The following VXN variants were observed in gnomAD, a reference collection of about 807,000 sequenced individuals.
VXN encodes the protein uncharacterized protein C8orf46.
A neutral mutation model predicts 23.1 loss-of-function variants in VXN; 7 were observed. The observed-to-expected ratio is 0.30, with a 90% confidence interval of 0.17 to 0.57. The LOEUF is 0.57. Among genes scored for constraint, VXN ranks in the 20% least tolerant of loss-of-function variants. VXN has a pLI of 0.91. For synonymous variants in VXN, 120 were observed against 105.8 expected, an observed-to-expected ratio of 1.13 and a Z score of -0.83; for missense variants, 238 against 272.6, an observed-to-expected ratio of 0.87 and a Z score of 0.89.
intron 5 of VXN, chr8:66,514,032 A>G (rs1807856676): frequency 5.5e-6 from 1 of 180,650 alleles, no homozygotes; most frequent in African/African-American, 2.4e-5. Context: ...AAGTGTGTCA[A>G]GTACAAAGGT....
chr8:66,516,790 T>C lies in VXN; in HGVS notation c.*714T>C, dbSNP rs2130564269. The C allele has an allele frequency of 6.6e-6, 1 of 152,374 alleles. No individual in the cohort carries two copies. The highest frequency in any genetic ancestry group is 2.1e-4 in the South Asian group (1 of 4,830). The allele number at this position is 152,374 out of a possible 1,614,324, so 9.4% of individuals were successfully genotyped here. A position where few individuals can be genotyped will look rare whatever the true frequency, so the allele number is the denominator to read the frequency against. On this transcript the variant is annotated 3_prime_UTR_variant, in exon 6 of 6. Coordinates refer to ENST00000305454, the MANE Select transcript of VXN (RefSeq NM_152765.4). ...TTTGAAAGTGCTTTCTCATCCGTTA[T>C]CTCTTATCTTCACAAAACCCCTGTG...
intron 1 of VXN, among the ~76,000 whole-genome samples, chr8:66,496,215 T>G (rs146474566): frequency 2.6e-5 from 4 of 152,356 alleles, no homozygotes; most frequent in African/African-American, 9.6e-5. Context: ...TTGGTGGACA[T>G]TTGGGTTGTT....
At chr8:66,503,595 G>A (rs1238357957) in intron 2 of VXN, 1 of 152,202 alleles carries the variant, frequency 6.6e-6, no homozygotes, top group Non-Finnish European at 1.5e-5. Flanking sequence ...GCAGTTTGCT[G>A]ACCTAAGAAA....
chr8:66,511,478 G>A (rs1807823631), intron 4 of VXN, among the ~76,000 whole-genome samples: 2 of 152,220 alleles, frequency 1.3e-5, no homozygotes, highest in Non-Finnish European at 2.9e-5. Flanking sequence ...CACACACAGG[G>A]CTGTTTCCCC....
Position 66,495,777 on chromosome 8 carries a change from T to C in VXN, c.71-660T>C, listed in dbSNP as rs62512578. 3.4e-3 allele frequency among the ~76,000 whole-genome samples: 520 copies of C among 152,314 alleles called. 1 individual carries two copies. Among genetic ancestry groups the C allele is most frequent in the Admixed American group, 5.2e-3 (79 of 15,296 alleles). ...AAATATGCATAACAAAATGTACCAT[T>C]TTAAAAACTATTTTTAAGTGTACAG... On this transcript the variant is annotated intron_variant, in intron 1 of 5. Coordinates refer to ENST00000305454, the MANE Select transcript of VXN (RefSeq NM_152765.4).
At chr8:66,506,789 G>A (rs1807764297) in intron 3 of VXN, among the ~76,000 whole-genome samples, 1 of 151,972 alleles carries the variant, frequency 6.6e-6, no homozygotes, top group South Asian at 2.1e-4. Flanking sequence ...CATACATCAA[G>A]CTATATTCTC....
At chr8:66,510,543 C>T (rs1021915624) in intron 4 of VXN, among the ~76,000 whole-genome samples, 2 of 152,176 alleles carry the variant, frequency 1.3e-5, no homozygotes, top group Admixed American at 1.3e-4. Context: ...GCGAGGCTCT[C>T]GAGCACTATG....
chr8:66,497,591 G>C (rs553900521), intron 2 of VXN, among the ~76,000 whole-genome samples: 25 of 152,304 alleles, frequency 1.6e-4, no homozygotes, highest in Non-Finnish European at 2.8e-4. Context: ...CATAAAACTG[G>C]CAGTACATCT....
At chr8:66,513,481 C>A in intron 4 of VXN, 59 bp from the exon 5 acceptor site, 1 of 1,415,550 alleles carries the variant, frequency 7.1e-7, no homozygotes, top group Non-Finnish European at 1.0e-6. Context: ...CAGCCTCAGT[C>A]AGGGCCAGAG....
chr8:66,498,790 A>G (rs1261627489), intron 2 of VXN: 1 of 455,160 alleles, frequency 2.2e-6, no homozygotes, highest in Admixed American at 2.4e-5. Context: ...AAAATCTATG[A>G]AATATTTCTG....
chr8:66,517,537 A>G lies in VXN; in HGVS notation c.*1461A>G, dbSNP rs193076401. 6.6e-6 allele frequency: 1 copy of G among 152,342 alleles called. No homozygotes were observed. Among genetic ancestry groups the G allele is most frequent in the East Asian group, 1.9e-4 (1 of 5,196 alleles). 9.4% of individuals were successfully genotyped at this position (152,342 alleles called of 1,614,324 possible). A position where few individuals can be genotyped will look rare whatever the true frequency, so the allele number is the denominator to read the frequency against. On this transcript the variant is annotated 3_prime_UTR_variant, in exon 6 of 6. Coordinates refer to ENST00000305454, the MANE Select transcript of VXN (RefSeq NM_152765.4). ...ATGATTTTCATCCCAAACACTAAAC[A>G]TGATTGATGGGTAGAGGCTGCCCGA...
In VXN at chr8:66,516,998, C is replaced by T. The variant is rs1013549370; in HGVS notation, c.*922C>T. 5.3e-5 allele frequency: 8 copies of T among 152,150 alleles called. No homozygotes were observed. Among genetic ancestry groups the T allele is most frequent in the African/African-American group, 1.7e-4 (7 of 41,420 alleles). The allele number at this position is 152,150 out of a possible 1,614,324, so 9.4% of individuals were successfully genotyped here. A position where few individuals can be genotyped will look rare whatever the true frequency, so the allele number is the denominator to read the frequency against. Reference sequence around the variant, plus strand: ...GTTTTTAAATGGTGAGAGTGTGTCTCTGGGGGCAACCATTGAAAAGAAGAC... The same window carrying T: ...GTTTTTAAATGGTGAGAGTGTGTCTTTGGGGGCAACCATTGAAAAGAAGAC... On this transcript the variant is annotated 3_prime_UTR_variant, in exon 6 of 6. Transcript: ENST00000305454.
Position 66,516,876 on chromosome 8 carries a change from G to A in VXN, c.*800G>A, listed in dbSNP as rs912323061. 11 of 152,190 alleles carry A rather than the reference G, an allele frequency of 7.2e-5. No homozygotes were observed. The highest frequency in any genetic ancestry group is 6.5e-4 in the Admixed American group (10 of 15,284). 9.4% of individuals were successfully genotyped at this position (152,190 alleles called of 1,614,324 possible). A position where few individuals can be genotyped will look rare whatever the true frequency, so the allele number is the denominator to read the frequency against. On this transcript the variant is annotated 3_prime_UTR_variant, in exon 6 of 6. Transcript: ENST00000305454. ...GAAATGGAGGCCTTCAGAGATTACA[G>A]GACCAGATACCAGGTAGTGGAACCA...
rs773631938 is a variant in VXN at position 66,513,573 on chromosome 8, T to G, written c.376T>G (p.Ser126Ala). ...PPVPRISVKT[S>A]ASASLEATAM... ...AGTGCCCCGGATCTCAGTGAAAACTTCAGCCTCTGCCTCATTGGAGGCGAC... is the reference window on the plus strand; with the variant it reads ...AGTGCCCCGGATCTCAGTGAAAACTGCAGCCTCTGCCTCATTGGAGGCGAC... The change falls in exon 5 of 6, where the codon TCA becomes GCA. Residue 126 changes from serine (S) to alanine (A), a missense_variant. Coordinates refer to ENST00000305454, the MANE Select transcript of VXN (RefSeq NM_152765.4). 1 of 1,614,194 alleles carries G rather than the reference T, an allele frequency of 6.2e-7. No individual in the cohort carries two copies. Among genetic ancestry groups the G allele is most frequent in the Non-Finnish European group, 8.5e-7 (1 of 1,180,036 alleles).
chr8:66,515,066 C>T (rs1807871345), intron 5 of VXN, among the ~76,000 whole-genome samples: 1 of 152,120 alleles, frequency 6.6e-6, no homozygotes, highest in Non-Finnish European at 1.5e-5. Flanking sequence ...CAATAAATAT[C>T]CAAAAAGATT....
intron 2 of VXN, among the ~76,000 whole-genome samples, chr8:66,500,966 T>C (rs1029073465): frequency 8.1e-5 from 12 of 148,158 alleles, no homozygotes; most frequent in Non-Finnish European, 1.2e-4. Context: ...CTCCGCCTCC[T>C]AGGTTCAAGC....
intron 1 of VXN, among the ~76,000 whole-genome samples, chr8:66,496,035 T>C (rs1297412180): frequency 2.6e-5 from 4 of 152,346 alleles, no homozygotes; most frequent in Admixed American, 2.0e-4. Flanking sequence ...AGGAACCCCA[T>C]ATTAAGAGGA....
intron 2 of VXN, among the ~76,000 whole-genome samples, chr8:66,497,349 C>T (rs1807638160): frequency 6.6e-6 from 1 of 152,188 alleles, no homozygotes; most frequent in African/African-American, 2.4e-5. Flanking sequence ...TTGTGATTTG[C>T]TCAAACTAGT....
intron 4 of VXN, among the ~76,000 whole-genome samples, chr8:66,512,146 A>C (rs1032725134): frequency 3.3e-4 from 50 of 152,042 alleles, no homozygotes; most frequent in African/African-American, 1.1e-3. Flanking sequence ...TAGTGGGGCT[A>C]GGGTCTCACA....
Sources: gnomAD v4.1 joint callset for allele counts (sites outside exome capture counted in the v4.1 genomes callset) on GRCh38, gnomAD v4.1.1 for gene constraint, MANE v1.5 for transcripts, NCBI Gene and HGNC (gene_info 2026-07-23, HGNC 2026-07-21) for gene names.